Variants in TRHDE observed in about 807,000 individuals in gnomAD.
TRHDE encodes the protein thyrotropin releasing hormone degrading enzyme.
A neutral mutation model predicts 125.7 loss-of-function variants in TRHDE; 72 were observed. That is an observed-to-expected ratio of 0.57 (90% CI 0.47 to 0.70). The LOEUF (loss-of-function observed/expected upper bound fraction) is 0.70. Among genes scored for constraint, TRHDE ranks in the 30% least tolerant of loss-of-function variants. The pLI is 0.00. For missense variants in TRHDE, 1,110 were observed against 1,327.1 expected (o/e 0.84, Z 2.54); for synonymous variants, 509 against 509.1 (o/e 1.00, Z 0.00).
chr12:72,604,633 T>C (rs1456251874), intron 12 of TRHDE, among the ~76,000 whole-genome samples: 2 of 152,066 alleles, frequency 1.3e-5, no homozygotes, highest in Non-Finnish European at 2.9e-5. Context: ...ATTCTTAAAC[T>C]AATATAATTC....
At chr12:72,399,396 G>T (rs1872941349) in intron 3 of TRHDE, among the ~76,000 whole-genome samples, 1 of 152,028 alleles carries the variant, frequency 6.6e-6, no homozygotes. Context: ...CAGCAAGTGG[G>T]TCATTTTCCA....
chr12:72,356,558 C>T (rs1179873125), intron 2 of TRHDE, among the ~76,000 whole-genome samples: 14 of 151,268 alleles, frequency 9.3e-5, no homozygotes, highest in African/African-American at 3.4e-4. Context: ...AAAAAAGAAT[C>T]TTCTGGCTAC....
At chr12:72,264,961 C>T (rs1438503478) in intron 2 of TRHDE, among the ~76,000 whole-genome samples, 1 of 150,156 alleles carries the variant, frequency 6.7e-6, no homozygotes, top group African/African-American at 2.4e-5. Context: ...AATCAAGCAG[C>T]TGGTTATTTT....
intron 2 of TRHDE, among the ~76,000 whole-genome samples, chr12:72,241,437 C>A (rs1290419119): frequency 6.6e-6 from 1 of 152,108 alleles, no homozygotes; most frequent in Non-Finnish European, 1.5e-5. Flanking sequence ...TTTCACTATG[C>A]ATAATGCCTT....
At chr12:72,651,540 G>A (rs937008749) in intron 15 of TRHDE, among the ~76,000 whole-genome samples, 1 of 151,842 alleles carries the variant, frequency 6.6e-6, no homozygotes, top group Non-Finnish European at 1.5e-5. Flanking sequence ...TTAAAAAAAA[G>A]TATTGGAGCA....
At chr12:72,419,015 A>T (rs1873842314) in intron 3 of TRHDE, among the ~76,000 whole-genome samples, 1 of 152,164 alleles carries the variant, frequency 6.6e-6, no homozygotes, top group Admixed American at 6.5e-5. Flanking sequence ...TAGTACTGCT[A>T]CTTCAACTGA....
intron 2 of TRHDE, among the ~76,000 whole-genome samples, chr12:72,187,586 G>A (rs1009886794): frequency 6.6e-6 from 1 of 151,906 alleles, no homozygotes; most frequent in Admixed American, 6.6e-5. Context: ...CCAAGAATCA[G>A]GAACACTGAT....
intron 2 of TRHDE, among the ~76,000 whole-genome samples, chr12:72,300,407 G>T: frequency 6.7e-6 from 1 of 149,598 alleles, no homozygotes; most frequent in African/African-American, 2.5e-5. Flanking sequence ...CACATTGCTG[G>T]GCAGCTCACA....
At chr12:72,607,008 T>C (rs772574350) in intron 12 of TRHDE, among the ~76,000 whole-genome samples, 49 of 152,164 alleles carry the variant, frequency 3.2e-4, no homozygotes, top group Non-Finnish European at 6.3e-4. Flanking sequence ...AATGCCATAT[T>C]CTTTTCACAG....
intron 3 of TRHDE, among the ~76,000 whole-genome samples, chr12:72,383,408 G>C (rs1234505883): frequency 7.3e-6 from 1 of 137,900 alleles, no homozygotes; most frequent in Non-Finnish European, 1.5e-5. Flanking sequence ...ACGGAGTCTG[G>C]CTTTGTCACC....
chr12:72,547,535 T>C (rs564724025), intron 7 of TRHDE, among the ~76,000 whole-genome samples: 34 of 151,940 alleles, frequency 2.2e-4, no homozygotes, highest in South Asian at 1.5e-3. Flanking sequence ...ATTGTTTTGC[T>C]TTTTGATTAA....
intron 2 of TRHDE, among the ~76,000 whole-genome samples, chr12:72,248,652 T>C (rs1878622271): frequency 6.6e-6 from 1 of 152,150 alleles, no homozygotes; most frequent in South Asian, 2.1e-4. Flanking sequence ...TTCTAACTCT[T>C]GACTACAGGA....
intron 2 of TRHDE, chr12:72,257,926 C>CTA (rs1364736257): frequency 6.6e-6 from 1 of 152,092 alleles, no homozygotes; most frequent in Non-Finnish European, 1.5e-5. Flanking sequence ...AGGTCCACTT[C>CTA]TATTTAATAA....
At chr12:72,311,230 G>T (rs745588687) in intron 2 of TRHDE, among the ~76,000 whole-genome samples, 20 of 151,002 alleles carry the variant, frequency 1.3e-4, no homozygotes, top group Non-Finnish European at 2.5e-4. Flanking sequence ...CCACTGTTTT[G>T]TCTTTTCTAG....
chr12:72,093,180 G>A (rs1205826597), intron 1 of TRHDE, among the ~76,000 whole-genome samples: 1 of 152,242 alleles, frequency 6.6e-6, no homozygotes, highest in African/African-American at 2.4e-5. Flanking sequence ...GGTTTCTGCT[G>A]AGAAGTCTGC....
At chr12:72,235,881 G>A (rs1413423082) in intron 2 of TRHDE, among the ~76,000 whole-genome samples, 1 of 152,188 alleles carries the variant, frequency 6.6e-6, no homozygotes, top group Non-Finnish European at 1.5e-5. Context: ...CAGTAATGTG[G>A]GAAGTATATT....
In TRHDE at chr12:72,286,942, G is replaced by A. The variant is rs748644402; in HGVS notation, c.1176G>A (p.Lys392=). 1.2e-6 allele frequency: 2 copies of A among 1,613,764 alleles called. No individual in the cohort carries two copies. Among genetic ancestry groups the A allele is most frequent in the African/African-American group, 1.3e-5 (1 of 75,000 alleles). The change falls in exon 2 of 19, where the codon AAG becomes AAA. Residue 392 remains lysine (K), a synonymous_variant. Transcript: ENST00000261180. The part of the protein sequence containing the change: ...CNFTYRETTT[K]SGVVVRLYAR... The stretch of plus-strand genomic sequence containing the variant: ...TCACATACAGAGAAACTACCACCAA[G>A]AGTGGGGTTGTAGTAAGTATTTTCA...
rs1157271099 is a variant in TRHDE, at chr12:72,103,372, G to C, written n.175-2276G>C. On this transcript the variant is annotated intron_variant and non_coding_transcript_variant, in intron 1 of 4. Coordinates refer to the TRHDE transcript ENST00000548156. ...TCATTGGAAAGTCTGCCACTTAAAA[G>C]ACTATTAGGAGACAGAGTTAATAAG... Among the ~76,000 whole-genome samples the C allele has an allele frequency of 2.0e-5, 3 of 152,106 alleles. No individual in the cohort carries two copies. The East Asian group carries it at 5.8e-4, about 29-fold the overall frequency.
chr12:72,520,217 A>G (rs1276005896), intron 6 of TRHDE, among the ~76,000 whole-genome samples: 1 of 152,204 alleles, frequency 6.6e-6, no homozygotes, highest in East Asian at 1.9e-4. Flanking sequence ...AGCCTGGGCA[A>G]TGGCGGGCGC....
Sources: gnomAD v4.1 joint callset for allele counts (sites outside exome capture counted in the v4.1 genomes callset) on GRCh38, gnomAD v4.1.1 for gene constraint, MANE v1.5 for transcripts, NCBI Gene and HGNC (gene_info 2026-07-23, HGNC 2026-07-21) for gene names.